ZNF875: variants seen among roughly 807,000 people sequenced by gnomAD.
ZNF875 encodes HKR1, GLI-Kruppel zinc finger family member.
In ZNF875, 14 loss-of-function variants were observed where a neutral mutation model predicts 11.2. The observed-to-expected ratio is 1.26, with a 90% confidence interval of 0.83 to 1.96. The LOEUF is 1.96. Among genes scored for constraint, ZNF875 ranks in the 30% most tolerant of loss-of-function variants. The pLI is 0.00. For missense variants in ZNF875, 752 were observed against 760.4 expected, an observed-to-expected ratio of 0.99 and a Z score of 0.13; for synonymous variants, 301 against 281.1, an observed-to-expected ratio of 1.07 and a Z score of -0.71.
At chr19:37,359,565 G>A in intron 4 of ZNF875, 1 of 230,166 alleles carries the variant, frequency 4.3e-6, no homozygotes, top group Non-Finnish European at 9.0e-6. Context: ...CACCACACCT[G>A]GCTAATTTTT....
At chr19:37,316,636 C>T (rs561929570), upstream of ZNF875, among the ~76,000 whole-genome samples, 60 of 151,508 alleles carry the variant, frequency 4.0e-4, no homozygotes, top group African/African-American at 1.4e-3. Context: ...TCCCAAAGTG[C>T]TGGGATTACA....
chr19:37,332,509 G>T (rs1343000043), upstream of ZNF875, among the ~76,000 whole-genome samples: 2 of 152,148 alleles, frequency 1.3e-5, no homozygotes, highest in Non-Finnish European at 2.9e-5. Context: ...GAGCCACCAT[G>T]CCTGGCCAAC....
chr19:37,347,524 C>T (rs1304763204), intron 3 of ZNF875: 12 of 617,998 alleles, frequency 1.9e-5, no homozygotes, highest in Non-Finnish European at 3.1e-5. Flanking sequence ...ATTTCCAGGC[C>T]TGTTTCCCAA....
upstream of ZNF875, chr19:37,314,829 G>C (rs1203583817): frequency 6.6e-6 from 1 of 150,638 alleles, no homozygotes; most frequent in African/African-American, 2.4e-5. Flanking sequence ...ATGTGGACTA[G>C]ACTCTGGAGG....
intron 2 of ZNF875, chr19:37,337,146 T>G (rs1191485640): frequency 2.8e-5 from 4 of 142,766 alleles, no homozygotes; most frequent in African/African-American, 1.1e-4. Flanking sequence ...TCTTTATCAT[T>G]TGGACGTGAC....
intron 4 of ZNF875, among the ~76,000 whole-genome samples, chr19:37,358,263 G>T (rs2039286422): frequency 1.4e-5 from 2 of 144,682 alleles, no homozygotes; most frequent in South Asian, 4.6e-4. Context: ...TCCTGCCTCA[G>T]CCTCTCTGAG....
chr19:37,322,031 CA>C, intron 1 of ZNF875, among the ~76,000 whole-genome samples: 1 of 152,194 alleles, frequency 6.6e-6, no homozygotes, highest in Non-Finnish European at 1.5e-5. Flanking sequence ...CTGCACAGAA[CA>C]GGCTAACCCC....
intron 2 of ZNF875, among the ~76,000 whole-genome samples, chr19:37,339,545 T>TG (rs1030057501): frequency 1.9e-4 from 4 of 21,534 alleles, no homozygotes; most frequent in African/African-American, 1.8e-3. Context: ...ACCCTGCCAG[T>TG]TTTTTTTTTT....
chr19:37,322,557 T>C (rs141079180), intron 2 of ZNF875, among the ~76,000 whole-genome samples: 1,641 of 152,344 alleles, frequency 0.011, 16 homozygotes, highest in Non-Finnish European at 0.017. Context: ...TCTGGCTTTA[T>C]TTATTAGCTT....
chr19:37,325,118 G>A (rs992810030), intron 4 of ZNF875: 16 of 152,186 alleles, frequency 1.1e-4, no homozygotes, highest in Admixed American at 7.9e-4. Context: ...TGGAATGTCA[G>A]TGACTTAGCG....
chr19:37,358,291 G>A (rs1284140380), intron 4 of ZNF875, among the ~76,000 whole-genome samples: 1 of 150,476 alleles, frequency 6.6e-6, no homozygotes, highest in Non-Finnish European at 1.5e-5. Context: ...AACTACAGGC[G>A]CCCACCACCA....
intron 2 of ZNF875, chr19:37,346,859 C>A: frequency 3.7e-6 from 1 of 269,944 alleles, no homozygotes; most frequent in Non-Finnish European, 6.8e-6. Flanking sequence ...CTTTTGACCT[C>A]TCATTCTTTT....
chr19:37,350,493 ATATCT>A (rs2037664015), intron 4 of ZNF875, among the ~76,000 whole-genome samples: 1 of 152,116 alleles, frequency 6.6e-6, no homozygotes, highest in Non-Finnish European at 1.5e-5. Context: ...CCCAATGATA[ATATCT>A]TATATAACCA....
At chr19:37,335,060 T>G (rs2034053554) in intron 1 of ZNF875, 109 bp from the exon 2 acceptor site, 1 of 591,652 alleles carries the variant, frequency 1.7e-6, no homozygotes, top group Admixed American at 2.6e-5. Flanking sequence ...CTCTGGTGAT[T>G]TCTGTGACAT....
At chr19:37,320,951 T>TC (rs1342070055) in intron 1 of ZNF875, among the ~76,000 whole-genome samples, 1 of 152,218 alleles carries the variant, frequency 6.6e-6, no homozygotes. Flanking sequence ...ACGTACTCTG[T>TC]TGGCTCAAGG....
At chr19:37,356,899 C>G (rs905436898) in intron 4 of ZNF875, among the ~76,000 whole-genome samples, 3 of 152,166 alleles carry the variant, frequency 2.0e-5, no homozygotes, top group African/African-American at 7.2e-5. Flanking sequence ...AGTTCTTTGC[C>G]TTGGCCAATG....
Position 37,347,867 on chromosome 19 carries a change from G to C in ZNF875, c.251G>C (p.Cys84Ser), listed in dbSNP as rs746972248. 1.9e-6 allele frequency: 3 copies of C among 1,582,006 alleles called. No homozygotes were observed. Among genetic ancestry groups the C allele is most frequent in the Admixed American group, 1.7e-5 (1 of 59,950 alleles). ...GAGAGAAAATGTCCACTGGACCTCT[G>C]TCCAGGTGAGTGTTGAGTGTGGGGT... The part of the protein sequence containing the change: ...REERKCPLDL[C>S]PESKPEIQLS... The change falls in exon 4 of 5, where the codon TGT becomes TCT. Residue 84 changes from cysteine (C) to serine (S), a missense_variant. Coordinates refer to ENST00000392153, the MANE Select transcript of ZNF875 (RefSeq NM_001353803.2).
chr19:37,327,679 C>T (rs1313761763), intron 4 of ZNF875, among the ~76,000 whole-genome samples: 2 of 149,754 alleles, frequency 1.3e-5, no homozygotes, highest in Admixed American at 6.7e-5. Flanking sequence ...GCAGGAGAAT[C>T]GCTTGAACCC....
intron 4 of ZNF875, among the ~76,000 whole-genome samples, chr19:37,329,435 T>C (rs1214153202): frequency 2.0e-5 from 3 of 152,206 alleles, no homozygotes; most frequent in African/African-American, 7.2e-5. Context: ...TCCCACTAAA[T>C]GGAGAGACTG....
Sources: allele counts gnomAD v4.1 joint callset (sites outside exome capture counted in the v4.1 genomes callset), GRCh38; gene constraint gnomAD v4.1.1; transcripts MANE v1.5; gene names NCBI Gene and HGNC (gene_info 2026-07-23, HGNC 2026-07-21).